The following TECPR2 variants were observed in gnomAD, a reference collection of about 807,000 sequenced individuals.
TECPR2 encodes tectonin beta-propeller repeat containing 2.
Under a neutral mutation model 138.1 loss-of-function variants are expected in TECPR2, and 65 were observed. The ratio of observed to expected loss-of-function variants is 0.47; its 90% CI spans 0.39 to 0.58. The LOEUF (loss-of-function observed/expected upper bound fraction) is 0.58. Ranked by LOEUF, TECPR2 falls within the 20% of genes least tolerant of loss-of-function variation. The probability of loss-of-function intolerance (pLI) is 0.00; values close to 1 mark genes in which losing one functional copy is unlikely to be tolerated. For synonymous variants in TECPR2, 746 were observed against 749.8 expected, an observed-to-expected ratio of 0.99 and a Z score of 0.08; for missense variants, 1,553 against 1,824.5, an observed-to-expected ratio of 0.85 and a Z score of 2.71.
intron 4 of TECPR2, 40 bp from the exon 5 acceptor site, chr14:102,414,596 C>A (rs1368585293): frequency 6.2e-7 from 1 of 1,609,230 alleles, no homozygotes; most frequent in African/African-American, 1.3e-5. Context: ...ATTCTTTAGC[C>A]TGGCGCTGAT....
At chr14:102,387,386 A>G (rs1888036275) in intron 2 of TECPR2, among the ~76,000 whole-genome samples, 1 of 152,210 alleles carries the variant, frequency 6.6e-6, no homozygotes, top group Admixed American at 6.6e-5. Context: ...TGTTAAATAT[A>G]TAGGTCTGAT....
At chr14:102,493,758 A>G (rs1396222845) in intron 17 of TECPR2, among the ~76,000 whole-genome samples, 1 of 152,202 alleles carries the variant, frequency 6.6e-6, no homozygotes, top group Non-Finnish European at 1.5e-5. Context: ...TGACAGGGGC[A>G]GGGGCTGCGG....
chr14:102,420,661 G>T lies in TECPR2; in HGVS notation c.639-4318G>T, dbSNP rs1021793281. 6.6e-6 allele frequency among the ~76,000 whole-genome samples: 1 copy of T among 152,058 alleles called. No individual in the cohort carries two copies. The highest frequency in any genetic ancestry group is 2.4e-5 in the African/African-American group (1 of 41,376). On this transcript the variant is annotated intron_variant, in intron 5 of 19. Transcript: ENST00000359520. This position sits in a 1 kb window ranked among gnomAD's most constrained non-coding sequence, Gnocchi z 4.1. ...CTAAATTTTTTAATTTGTAGAGATG[G>T]TGTCTCTCTAGGTCACCCAGGCTGT...
chr14:102,387,309 C>T (rs1374427800), intron 2 of TECPR2, among the ~76,000 whole-genome samples: 1 of 152,112 alleles, frequency 6.6e-6, no homozygotes, highest in Non-Finnish European at 1.5e-5. Context: ...ATTCTTCCTA[C>T]CTAGTGCCAA....
At chr14:102,369,924 C>G (rs189836212) in intron 1 of TECPR2, among the ~76,000 whole-genome samples, 1 of 151,992 alleles carries the variant, frequency 6.6e-6, no homozygotes, top group Non-Finnish European at 1.5e-5. Context: ...CACTGTACTC[C>G]AGCCTGGGCG....
intron 15 of TECPR2, among the ~76,000 whole-genome samples, chr14:102,452,091 A>G (rs993373241): frequency 3.9e-5 from 6 of 152,258 alleles, no homozygotes; most frequent in African/African-American, 1.4e-4. Context: ...CAGCCCATGA[A>G]AAATGGGAGG....
chr14:102,384,820 T>TGCCAGA (rs921231670), intron 2 of TECPR2, among the ~76,000 whole-genome samples: 4 of 147,688 alleles, frequency 2.7e-5, no homozygotes, highest in Non-Finnish European at 6.0e-5. Flanking sequence ...GAACCAAGGA[T>TGCCAGA]GCCAGACTCA....
chr14:102,412,300 T>A (rs927549795), intron 4 of TECPR2, among the ~76,000 whole-genome samples: 11 of 152,050 alleles, frequency 7.2e-5, no homozygotes, highest in Non-Finnish European at 1.3e-4. Context: ...CCCAGCTGAT[T>A]TTTTTGTATT....
chr14:102,409,909 A>G (rs1888776464), intron 4 of TECPR2, among the ~76,000 whole-genome samples: 1 of 152,030 alleles, frequency 6.6e-6, no homozygotes. Context: ...GGTTCAAGGG[A>G]TTCTCATGCC....
chr14:102,456,469 C>T (rs778355559), intron 16 of TECPR2, among the ~76,000 whole-genome samples: 12 of 152,008 alleles, frequency 7.9e-5, no homozygotes, highest in Admixed American at 3.3e-4. Flanking sequence ...AACAGGCAAC[C>T]GGGACTCCCA....
rs1463919998 is a variant in TECPR2, at chr14:102,373,292, A to G, written c.-72-3358A>G. On this transcript the variant is annotated intron_variant, in intron 1 of 19. Transcript: ENST00000359520. Reference sequence around the variant, plus strand: ...TCAACTTACAGAGTTTCAACTTACTATTTTTTGACTTTAAGATTGAGCGAA... The same window carrying G: ...TCAACTTACAGAGTTTCAACTTACTGTTTTTTGACTTTAAGATTGAGCGAA... 6.6e-5 allele frequency among the ~76,000 whole-genome samples: 10 copies of G among 152,156 alleles called. No individual in the cohort carries two copies. In the South Asian group the frequency reaches 1.9e-3, roughly 28 times the overall value.
Position 102,414,705 on chromosome 14 carries a change from G to A in TECPR2, c.550G>A (p.Val184Met). 6.2e-7 allele frequency: 1 copy of A among 1,614,262 alleles called. No homozygotes were observed. The highest frequency in any genetic ancestry group is 8.5e-7 in the Non-Finnish European group (1 of 1,180,046). Residue 184 changes from valine (V) to methionine (M), a missense_variant, in exon 5 of 20, where the codon GTG becomes ATG. Val to Met is a conservative substitution (Grantham distance 21). Coordinates refer to ENST00000359520, the MANE Select transcript of TECPR2 (RefSeq NM_014844.5). ...SIVQLDYSQK[V>M]LLVSTLQRSL... ...TGTGCAGCTGGATTATAGCCAGAAA[G>A]TGCTGCTGGTCTCTACTCTGCAAAG...
chr14:102,420,231 G>C lies in TECPR2; in HGVS notation c.639-4748G>C, dbSNP rs901479730. The stretch of plus-strand genomic sequence containing the variant: ...TTTTTAGGTAATCAATGAGGTTTTT[G>C]GAAATCATCTCTACCGAAATTAAGA... On this transcript the variant is annotated intron_variant, in intron 5 of 19. Transcript: ENST00000359520. The surrounding 1 kb of genome is among the most constrained non-coding windows in gnomAD (Gnocchi z 4.1). 3.9e-5 allele frequency among the ~76,000 whole-genome samples: 6 copies of C among 152,096 alleles called. No individual in the cohort carries two copies. The highest frequency in any genetic ancestry group is 1.2e-4 in the African/African-American group (5 of 41,390).
chr14:102,469,083 C>G (rs898678010), intron 17 of TECPR2, among the ~76,000 whole-genome samples: 2 of 152,030 alleles, frequency 1.3e-5, no homozygotes, highest in African/African-American at 4.8e-5. Flanking sequence ...ACATGGAGCC[C>G]CTCCTACATC....
At chr14:102,454,992 C>T (rs1890240696) in intron 16 of TECPR2, among the ~76,000 whole-genome samples, 1 of 152,244 alleles carries the variant, frequency 6.6e-6, no homozygotes, top group Non-Finnish European at 1.5e-5. Context: ...GTCCTCCCAG[C>T]ACCGGCTAGC....
chr14:102,449,014 C>T (rs1890066557), intron 13 of TECPR2, among the ~76,000 whole-genome samples: 1 of 152,226 alleles, frequency 6.6e-6, no homozygotes, highest in Non-Finnish European at 1.5e-5. Flanking sequence ...GTAATCCCAA[C>T]ACTTTGGGAG....
intron 1 of TECPR2, 82 bp downstream of exon 1, chr14:102,363,198 C>T (rs528541967): frequency 2.9e-5 from 8 of 277,148 alleles, no homozygotes; most frequent in East Asian, 1.3e-4. Context: ...CGGCCTCCCC[C>T]GGGCCACTCT....
chr14:102,411,780 T>G (rs1001186378), intron 4 of TECPR2, among the ~76,000 whole-genome samples: 2 of 149,698 alleles, frequency 1.3e-5, no homozygotes, highest in Non-Finnish European at 3.0e-5. Context: ...ATTGTTTTGA[T>G]TGAAGTGTAT....
chr14:102,380,034 C>T (rs1441634463), intron 2 of TECPR2, among the ~76,000 whole-genome samples: 2 of 147,440 alleles, frequency 1.4e-5, no homozygotes, highest in Non-Finnish European at 3.0e-5. Flanking sequence ...TGCACAGAGG[C>T]GTCCTAGTCA....
Sources: allele counts gnomAD v4.1 joint callset (sites outside exome capture counted in the v4.1 genomes callset), GRCh38; gene constraint gnomAD v4.1.1; non-coding constraint Gnocchi (gnomAD v3.1); transcripts MANE v1.5; gene names NCBI Gene and HGNC (gene_info 2026-07-23, HGNC 2026-07-21).